The following ARHGAP42 variants were observed in gnomAD, a reference collection of about 807,000 sequenced individuals.
ARHGAP42 encodes the protein Rho GTPase activating protein 42, also known as rho GTPase-activating protein 42.
A neutral mutation model predicts 125.0 loss-of-function variants in ARHGAP42; 63 were observed. That is an observed-to-expected ratio of 0.50 (90% confidence interval 0.41 to 0.62). The LOEUF (loss-of-function observed/expected upper bound fraction) is 0.62, where lower values mean the gene tolerates loss of function less well. ARHGAP42 is among the 20% of genes least tolerant of loss of function. The probability of loss-of-function intolerance (pLI) is 0.00; values close to 1 mark genes in which losing one functional copy is unlikely to be tolerated. For synonymous variants in ARHGAP42, 339 were observed against 351.0 expected (o/e 0.97, Z 0.38); for missense variants, 766 against 1,024.2 (o/e 0.75, Z 3.44).
Position 100,991,188 on chromosome 11 carries a change from A to AT in ARHGAP42, c.*2387_*2388insT, listed in dbSNP as rs572663996. 1 of 125,890 alleles carries AT rather than the reference A, an allele frequency of 7.9e-6. No homozygotes were observed. Among genetic ancestry groups the AT allele is most frequent in the Non-Finnish European group, 1.9e-5 (1 of 51,882 alleles). 7.8% of individuals were successfully genotyped at this position (125,890 alleles called of 1,614,324 possible). On this transcript the variant is annotated 3_prime_UTR_variant, in exon 24 of 24. Coordinates refer to ENST00000298815, the MANE Select transcript of ARHGAP42 (RefSeq NM_152432.4). ...CTCTTTTTCCTTCATAATGGATTAC[A>AT]ATGTAAGCAAGTCATGGCCATATAC...
At chr11:100,734,026 C>G (rs1862011989) in intron 1 of ARHGAP42, among the ~76,000 whole-genome samples, 1 of 149,590 alleles carries the variant, frequency 6.7e-6, no homozygotes, top group Admixed American at 6.7e-5. Context: ...CCACTGCCAC[C>G]TGGGTTCAAG....
At chr11:100,862,975 T>G (rs1225525988) in intron 4 of ARHGAP42, among the ~76,000 whole-genome samples, 5 of 149,236 alleles carry the variant, frequency 3.4e-5, no homozygotes, top group South Asian at 2.1e-4. Flanking sequence ...AGGCAGAGGT[T>G]GCAGTGAGCC....
chr11:100,908,759 A>T (rs984064971), intron 4 of ARHGAP42, among the ~76,000 whole-genome samples: 3 of 152,144 alleles, frequency 2.0e-5, no homozygotes, highest in Non-Finnish European at 2.9e-5. Flanking sequence ...GGGTAATCCC[A>T]TCTTGTACTG....
chr11:100,715,149 G>T (rs1861637008), intron 1 of ARHGAP42, among the ~76,000 whole-genome samples: 1 of 151,206 alleles, frequency 6.6e-6, no homozygotes, highest in East Asian at 1.9e-4. Context: ...TTTGTCTGCA[G>T]TTGGGGAATA....
chr11:100,753,203 G>A (rs767817957), intron 1 of ARHGAP42, among the ~76,000 whole-genome samples: 8 of 152,168 alleles, frequency 5.3e-5, no homozygotes, highest in Non-Finnish European at 8.8e-5. Flanking sequence ...TGATGTTCCA[G>A]GAAGGAGTGT....
intron 1 of ARHGAP42, among the ~76,000 whole-genome samples, chr11:100,725,196 G>C (rs184586099): frequency 1.5e-4 from 22 of 149,492 alleles, no homozygotes; most frequent in African/African-American, 5.4e-4. Context: ...TTTGGAGACA[G>C]AGTCTTGCTC....
At chr11:100,858,086 G>GGT (rs201861404) in intron 3 of ARHGAP42, among the ~76,000 whole-genome samples, 4,579 of 108,964 alleles carry the variant, frequency 0.042, 155 homozygotes, top group African/African-American at 0.088. Flanking sequence ...TCTGGATAGG[G>GGT]GTGTGTGTGT....
At chr11:100,901,858 C>A (rs1866561674) in intron 4 of ARHGAP42, among the ~76,000 whole-genome samples, 1 of 152,184 alleles carries the variant, frequency 6.6e-6, no homozygotes, top group African/African-American at 2.4e-5. Flanking sequence ...TCCCCTGGCC[C>A]CTTGAGCTTC....
At chr11:100,903,735 T>A (rs1431246884) in intron 4 of ARHGAP42, among the ~76,000 whole-genome samples, 1,308 of 106,622 alleles carry the variant, frequency 0.012, 76 homozygotes, top group South Asian at 0.041. Context: ...TATATATATA[T>A]ATATATATAT....
chr11:100,879,279 CCT>C (rs1865899990), intron 4 of ARHGAP42, among the ~76,000 whole-genome samples: 1 of 151,968 alleles, frequency 6.6e-6, no homozygotes, highest in African/African-American at 2.4e-5. Flanking sequence ...GTAATGTGGT[CCT>C]CTCTATTTGG....
intron 18 of ARHGAP42, 85 bp from the exon 19 acceptor site, chr11:100,974,374 G>A: frequency 7.8e-7 from 1 of 1,274,856 alleles, no homozygotes; most frequent in Non-Finnish European, 1.1e-6. Flanking sequence ...AGCTGATTAA[G>A]TAGCATATGG....
intron 18 of ARHGAP42, 111 bp downstream of exon 18, chr11:100,973,445 G>A: frequency 1.8e-6 from 2 of 1,087,138 alleles, no homozygotes; most frequent in South Asian, 1.5e-5. Context: ...TTCTTAATGG[G>A]GACTTCAGTT....
intron 12 of ARHGAP42, among the ~76,000 whole-genome samples, chr11:100,956,525 A>G (rs922366850): frequency 1.3e-5 from 2 of 152,138 alleles, no homozygotes; most frequent in Admixed American, 6.6e-5. Flanking sequence ...GTAAAGACAC[A>G]TGTCACTTCT....
At chr11:100,756,166 G>C (rs1016264358) in intron 1 of ARHGAP42, among the ~76,000 whole-genome samples, 4 of 144,394 alleles carry the variant, frequency 2.8e-5, no homozygotes, top group African/African-American at 7.8e-5. Context: ...CAGGAGGATG[G>C]CTTGAGGCCA....
intron 4 of ARHGAP42, among the ~76,000 whole-genome samples, chr11:100,866,954 T>C (rs1865582995): frequency 6.6e-6 from 1 of 152,184 alleles, no homozygotes; most frequent in African/African-American, 2.4e-5. Context: ...CTTGTACATA[T>C]CCATCAGGGT....
At chr11:100,795,064 G>A in intron 2 of ARHGAP42, 41 bp from the exon 3 acceptor site, 6 of 1,448,992 alleles carry the variant, frequency 4.1e-6, no homozygotes, top group Non-Finnish European at 5.6e-6. Flanking sequence ...TATTAGCTAT[G>A]AAAATATTAA....
chr11:100,927,082 G>A (rs755422889), intron 6 of ARHGAP42, among the ~76,000 whole-genome samples: 39 of 151,882 alleles, frequency 2.6e-4, no homozygotes, highest in Non-Finnish European at 4.7e-4. Flanking sequence ...AAATTTTTTC[G>A]CTGAAGAAAA....
At chr11:100,923,527 T>C (rs184187823) in intron 6 of ARHGAP42, among the ~76,000 whole-genome samples, 8 of 151,352 alleles carry the variant, frequency 5.3e-5, no homozygotes, top group Admixed American at 2.0e-4. Flanking sequence ...TTCTGTAAGA[T>C]GACATCAGAT....
chr11:100,992,213 A>G lies in ARHGAP42; in HGVS notation c.*3412A>G. Reference sequence around the variant, plus strand: ...TTCTTTAGCATTTAGAACCCCAACTAGACTTATACTTTGACTAAAGTCAGA... The same window carrying G: ...TTCTTTAGCATTTAGAACCCCAACTGGACTTATACTTTGACTAAAGTCAGA... On this transcript the variant is annotated 3_prime_UTR_variant, in exon 24 of 24. Coordinates refer to ENST00000298815, the MANE Select transcript of ARHGAP42 (RefSeq NM_152432.4). 1 of 1,370,354 alleles carries G rather than the reference A, an allele frequency of 7.3e-7. No homozygotes were observed. 84.9% of individuals were successfully genotyped at this position (1,370,354 alleles called of 1,614,324 possible).
Sources: gnomAD v4.1 joint callset for allele counts (sites outside exome capture counted in the v4.1 genomes callset) on GRCh38, gnomAD v4.1.1 for gene constraint, MANE v1.5 for transcripts, NCBI Gene and HGNC (gene_info 2026-07-23, HGNC 2026-07-21) for gene names.